Variants in DAPK1 observed in about 807,000 individuals in gnomAD.
DAPK1 encodes the protein death associated protein kinase 1.
A neutral mutation model predicts 144.9 loss-of-function variants in DAPK1; 56 were observed. The ratio of observed to expected loss-of-function variants is 0.39; its 90% CI spans 0.31 to 0.48. DAPK1 has a LOEUF of 0.48. Ranked by LOEUF, DAPK1 falls within the 20% of genes least tolerant of loss-of-function variation. DAPK1 has a pLI of 0.95. For missense variants in DAPK1, 1,454 were observed against 1,875.4 expected, an observed-to-expected ratio of 0.78 and a Z score of 4.15; for synonymous variants, 690 against 749.0, an observed-to-expected ratio of 0.92 and a Z score of 1.29.
rs570792583 is a variant in DAPK1 at position 87,621,042 on chromosome 9, G to A, written c.284+15867G>A. Among the ~76,000 whole-genome samples the A allele has an allele frequency of 2.0e-5, 3 of 152,288 alleles. No individual in the cohort carries two copies. In the East Asian group the frequency reaches 5.8e-4, roughly 29 times the overall value. On this transcript the variant is annotated intron_variant, in intron 3 of 25. Transcript: ENST00000408954. ...TCTCTGTGCCTGAGCACTTTCTTTA[G>A]TTCCAGCCCGGGAATCTCCATGTGT...
chr9:87,536,622 G>A (rs1214587183), intron 2 of DAPK1, among the ~76,000 whole-genome samples: 1 of 152,102 alleles, frequency 6.6e-6, no homozygotes, highest in Non-Finnish European at 1.5e-5. Context: ...ATTTGTTATT[G>A]CATAAATAAA....
intron 2 of DAPK1, among the ~76,000 whole-genome samples, chr9:87,518,167 A>G (rs1338091162): frequency 1.4e-5 from 2 of 143,318 alleles, no homozygotes; most frequent in Non-Finnish European, 3.0e-5. Context: ...GCTGAAGTGC[A>G]GTGGCACAAT....
chr9:87,514,332 G>A (rs549381263), intron 2 of DAPK1, among the ~76,000 whole-genome samples: 31 of 152,360 alleles, frequency 2.0e-4, no homozygotes, highest in African/African-American at 7.2e-4. Flanking sequence ...TGTATGGACT[G>A]TCCCAGGAGT....
intron 2 of DAPK1, among the ~76,000 whole-genome samples, chr9:87,549,072 A>G (rs1014660290): frequency 6.6e-6 from 1 of 151,900 alleles, no homozygotes; most frequent in African/African-American, 2.4e-5. Context: ...CCCATTAGCT[A>G]TTCTTCCTGA....
rs1421846987 is a variant in DAPK1, at chr9:87,697,065, T to C, written c.2472T>C (p.Tyr824=). 6.3e-6 allele frequency: 10 copies of C among 1,592,604 alleles called. No homozygotes were observed. Among genetic ancestry groups the C allele is most frequent in the African/African-American group, 4.0e-5 (3 of 74,520 alleles). ...FSGNPVYFCC[Y]DYFAANDPTS... ...GAAATCCTGTGTATTTCTGCTGTTA[T>C]GACTATTTTGCTGCAAATGATCCCA... Residue 824 remains tyrosine (Y), a synonymous_variant, in exon 22 of 26, where the codon TAT becomes TAC. Coordinates refer to ENST00000408954, the MANE Select transcript of DAPK1 (RefSeq NM_004938.4).
In DAPK1 at chr9:87,702,464, C is replaced by T. The variant is rs898517214; in HGVS notation, c.2872-565C>T. ...TAATATTGATGATGATACTCATTCT[C>T]TTTTCCTCTGTTCATAAAGTGATCA... On this transcript the variant is annotated intron_variant, in intron 24 of 25. Transcript: ENST00000408954. Among the ~76,000 whole-genome samples, 16 of 152,164 alleles carry T rather than the reference C, an allele frequency of 1.1e-4. 1 individual carries two copies. Among genetic ancestry groups the T allele is most frequent in the African/African-American group, 3.9e-4 (16 of 41,434 alleles).
chr9:87,619,427 AG>A (rs1435532936), intron 3 of DAPK1, among the ~76,000 whole-genome samples: 1 of 152,174 alleles, frequency 6.6e-6, no homozygotes, highest in Non-Finnish European at 1.5e-5. Context: ...GAATTCTGTC[AG>A]GGAGACTGGC....
chr9:87,601,241 G>C (rs1364778931), intron 2 of DAPK1, among the ~76,000 whole-genome samples: 1 of 152,208 alleles, frequency 6.6e-6, no homozygotes, highest in Non-Finnish European at 1.5e-5. Context: ...CTCACAGTTT[G>C]CTGGCTGCCT....
chr9:87,532,473 CTGACCCCTGGTTT>C (rs1825730702), intron 2 of DAPK1, among the ~76,000 whole-genome samples: 1 of 152,208 alleles, frequency 6.6e-6, no homozygotes, highest in African/African-American at 2.4e-5. Context: ...AGAAAGTTTG[CTGACCCCTGGTTT>C]ATATCATTAG....
chr9:87,557,833 T>G (rs1358925482), intron 2 of DAPK1, among the ~76,000 whole-genome samples: 1 of 152,058 alleles, frequency 6.6e-6, no homozygotes, highest in Non-Finnish European at 1.5e-5. Flanking sequence ...CCCAGCTACT[T>G]GAGAGGCTGA....
At chr9:87,647,922 T>C (rs529589141) in intron 14 of DAPK1, among the ~76,000 whole-genome samples, 1 of 152,376 alleles carries the variant, frequency 6.6e-6, no homozygotes, top group South Asian at 2.1e-4. Context: ...TGTGTGTGTT[T>C]CATTCAGTTC....
intron 2 of DAPK1, among the ~76,000 whole-genome samples, chr9:87,524,439 GA>G (rs1286053996): frequency 2.6e-5 from 4 of 152,202 alleles, no homozygotes; most frequent in African/African-American, 9.6e-5. Flanking sequence ...AGCTGACGTG[GA>G]AAGTTGGGAA....
intron 10 of DAPK1, 43 bp from the exon 11 acceptor site, chr9:87,643,332 TC>T (rs762924512): frequency 1.6e-6 from 2 of 1,288,334 alleles, no homozygotes; most frequent in South Asian, 1.4e-5. Flanking sequence ...CCTGCCTTTT[TC>T]CTCCCCGCCC....
intron 2 of DAPK1, 132 bp downstream of exon 2, chr9:87,499,271 GAA>G: frequency 2.4e-6 from 2 of 842,352 alleles, no homozygotes; most frequent in Admixed American, 4.5e-5. Context: ...AAATCATAGA[GAA>G]AAGAGTTACT....
intron 2 of DAPK1, among the ~76,000 whole-genome samples, chr9:87,583,263 T>C (rs1274946509): frequency 6.6e-6 from 1 of 152,104 alleles, no homozygotes; most frequent in East Asian, 1.9e-4. Flanking sequence ...GCCTGACACA[T>C]GAGTGTTCAA....
At chr9:87,656,929 A>AG (rs1830649162) in intron 17 of DAPK1, among the ~76,000 whole-genome samples, 1 of 152,306 alleles carries the variant, frequency 6.6e-6, no homozygotes, top group East Asian at 1.9e-4. Context: ...CTTGAGAGTA[A>AG]GGGGGGAGGG....
chr9:87,648,615 T>G, intron 14 of DAPK1, 166 bp from the exon 15 acceptor site: 1 of 608,568 alleles, frequency 1.6e-6, no homozygotes, highest in Non-Finnish European at 3.0e-6. Flanking sequence ...CACCCCAACC[T>G]CAGGTCCCCA....
Position 87,698,879 on chromosome 9 carries a change from A to G in DAPK1, c.2750+85A>G, listed in dbSNP as rs547962489. The G allele has an allele frequency of 2.4e-3, 1,899 of 798,428 alleles. 5 individuals carry two copies. The highest frequency in any genetic ancestry group is 3.1e-3 in the Non-Finnish European group (1,489 of 473,744). The allele number at this position is 798,428 out of a possible 1,614,324, so 49.5% of individuals were successfully genotyped here. On this transcript the variant is annotated intron_variant, in intron 23 of 25. Coordinates refer to ENST00000408954, the MANE Select transcript of DAPK1 (RefSeq NM_004938.4). ...GCAGAGGTGTGAAAAGTACAAAGGA[A>G]GTCTCATGAACCAGAGAAAGGTTTT...
chr9:87,522,028 G>A (rs1415598488), intron 2 of DAPK1, among the ~76,000 whole-genome samples: 1 of 152,174 alleles, frequency 6.6e-6, no homozygotes, highest in Non-Finnish European at 1.5e-5. Context: ...GCCACGTTTT[G>A]ATGCAGCAAG....
Sources: gnomAD v4.1 joint callset for allele counts (sites outside exome capture counted in the v4.1 genomes callset) on GRCh38, gnomAD v4.1.1 for gene constraint, MANE v1.5 for transcripts, NCBI Gene and HGNC (gene_info 2026-07-23, HGNC 2026-07-21) for gene names.